Variants in NPY2R observed in about 807,000 individuals in gnomAD.
The protein encoded by NPY2R is neuropeptide Y receptor type 2.
Under a neutral mutation model 22.3 loss-of-function variants are expected in NPY2R, and 17 were observed. The ratio of observed to expected loss-of-function variants is 0.76; its 90% CI spans 0.52 to 1.14. NPY2R has a LOEUF of 1.14. Ranked by LOEUF, NPY2R falls within the 50% of genes most tolerant of loss-of-function variation. The probability of loss-of-function intolerance (pLI) is 0.00; values close to 1 mark genes in which losing one functional copy is unlikely to be tolerated. For missense variants in NPY2R, 424 were observed against 467.9 expected (o/e 0.91, Z 0.87); for synonymous variants, 209 against 183.4 (o/e 1.14, Z -1.13).
chr4:155,205,511 T>C (rs1355056570), upstream of NPY2R, among the ~76,000 whole-genome samples: 2 of 152,194 alleles, frequency 1.3e-5, no homozygotes, highest in African/African-American at 4.8e-5. Context: ...TGGAGAGCTT[T>C]TCTGAAATTT....
chr4:155,180,423 T>A, the NPY2R span, among the ~76,000 whole-genome samples: 3 of 152,224 alleles, frequency 2.0e-5, no homozygotes, highest in Admixed American at 6.5e-5. Flanking sequence ...ATTTTCTACA[T>A]CTTCCCTCAA....
chr4:155,199,359 A>G, the NPY2R span, among the ~76,000 whole-genome samples: 1 of 152,010 alleles, frequency 6.6e-6, no homozygotes, highest in Non-Finnish European at 1.5e-5. Flanking sequence ...TGCTCAAGGA[A>G]ATGAGAAGAC....
Position 155,216,715 on chromosome 4 carries a change from G to C in NPY2R, c.*1630G>C, listed in dbSNP as rs1409137704. 1.2e-5 allele frequency: 2 copies of C among 166,996 alleles called. No individual in the cohort carries two copies. The highest frequency in any genetic ancestry group is 4.8e-5 in the African/African-American group (2 of 41,430). 10.3% of individuals were successfully genotyped at this position (166,996 alleles called of 1,614,324 possible). A position where few individuals can be genotyped will look rare whatever the true frequency, so the allele number is the denominator to read the frequency against. Reference sequence around the variant, plus strand: ...AGAATGAAAACAATATGTTAGATTAGGTGTAAGACTTTAAGAAGCGAACAA... The same window carrying C: ...AGAATGAAAACAATATGTTAGATTACGTGTAAGACTTTAAGAAGCGAACAA... On this transcript the variant is annotated 3_prime_UTR_variant, in exon 2 of 2. Coordinates refer to ENST00000329476, the MANE Select transcript of NPY2R (RefSeq NM_000910.4).
the NPY2R span, among the ~76,000 whole-genome samples, chr4:155,198,715 T>C: frequency 6.7e-6 from 1 of 149,634 alleles, no homozygotes; most frequent in Non-Finnish European, 1.5e-5. Flanking sequence ...TGGAGAAATC[T>C]GAAGTTCAGA....
the NPY2R span, among the ~76,000 whole-genome samples, chr4:155,180,901 C>T: frequency 7.3e-5 from 11 of 151,608 alleles, no homozygotes; most frequent in Non-Finnish European, 1.3e-4. Context: ...TCTATACATT[C>T]GAACTGATGA....
the NPY2R span, among the ~76,000 whole-genome samples, chr4:155,192,010 A>G: frequency 1.2e-4 from 18 of 151,758 alleles, no homozygotes; most frequent in African/African-American, 4.1e-4. Flanking sequence ...GCAAAATATT[A>G]TTTTCTGAGT....
At chr4:155,182,768 T>G in the NPY2R span, among the ~76,000 whole-genome samples, 1 of 152,110 alleles carries the variant, frequency 6.6e-6, no homozygotes, top group African/African-American at 2.4e-5. Flanking sequence ...CCAAGCTCTC[T>G]GTCATGAGCT....
the NPY2R span, among the ~76,000 whole-genome samples, chr4:155,182,244 A>G: frequency 6.6e-6 from 1 of 152,108 alleles, no homozygotes; most frequent in Non-Finnish European, 1.5e-5. Context: ...AACTGGGTAT[A>G]ATTTGAGTCA....
upstream of NPY2R, among the ~76,000 whole-genome samples, chr4:155,205,500 A>T (rs1379083248): frequency 6.6e-6 from 1 of 152,186 alleles, no homozygotes; most frequent in African/African-American, 2.4e-5. Flanking sequence ...AACTTTTTTA[A>T]TGGAGAGCTT....
At chr4:155,212,561 G>A (rs201373149) in intron 1 of NPY2R, among the ~76,000 whole-genome samples, 5 of 152,110 alleles carry the variant, frequency 3.3e-5, no homozygotes, top group East Asian at 1.9e-4. Context: ...AAGTAAAGGC[G>A]CCAGGATGGT....
At position 155,215,498 on chromosome 4, in the gene NPY2R, T is replaced by G. The variant is rs1384169787; in HGVS notation, c.*413T>G. ...TGCAGTTCGCTGCTCCCTGCTTGGC[T>G]TATGAAAACACCACTGAACAGAAAT... On this transcript the variant is annotated 3_prime_UTR_variant, in exon 2 of 2. Transcript: ENST00000329476. 1.1e-5 allele frequency: 3 copies of G among 261,168 alleles called. No individual in the cohort carries two copies. Among genetic ancestry groups the G allele is most frequent in the Non-Finnish European group, 2.4e-5 (3 of 125,238 alleles). The allele number at this position is 261,168 out of a possible 1,614,324, so 16.2% of individuals were successfully genotyped here. A position where few individuals can be genotyped will look rare whatever the true frequency, so the allele number is the denominator to read the frequency against.
rs574418239 is a variant in NPY2R, at chr4:155,215,430, A to C, written c.*345A>C. 3.1e-5 allele frequency: 12 copies of C among 388,520 alleles called. No individual in the cohort carries two copies. Among genetic ancestry groups the C allele is most frequent in the African/African-American group, 2.5e-4 (12 of 47,966 alleles). 24.1% of individuals were successfully genotyped at this position (388,520 alleles called of 1,614,324 possible). ...CATTGCTGAGAGACGGTGGGAAAATAAGTTGACTTTCAAATCACGTTAGGA... is the reference window on the plus strand; with the variant it reads ...CATTGCTGAGAGACGGTGGGAAAATCAGTTGACTTTCAAATCACGTTAGGA... On this transcript the variant is annotated 3_prime_UTR_variant, in exon 2 of 2. Coordinates refer to ENST00000329476, the MANE Select transcript of NPY2R (RefSeq NM_000910.4).
At chr4:155,180,587 T>C in the NPY2R span, among the ~76,000 whole-genome samples, 1 of 152,158 alleles carries the variant, frequency 6.6e-6, no homozygotes, top group African/African-American at 2.4e-5. Flanking sequence ...TACAGTTTTA[T>C]CCTTCTGACT....
At chr4:155,182,436 T>C in the NPY2R span, among the ~76,000 whole-genome samples, 1 of 152,272 alleles carries the variant, frequency 6.6e-6, no homozygotes, top group Admixed American at 6.5e-5. Flanking sequence ...AATTTAGTGA[T>C]AATTCAGAAA....
chr4:155,193,660 G>A, the NPY2R span, among the ~76,000 whole-genome samples: 1 of 151,912 alleles, frequency 6.6e-6, no homozygotes, highest in African/African-American at 2.4e-5. Context: ...GGAACAGAGA[G>A]TAGGACATTA....
the NPY2R span, among the ~76,000 whole-genome samples, chr4:155,176,305 G>A: frequency 6.6e-6 from 1 of 151,716 alleles, no homozygotes; most frequent in African/African-American, 2.4e-5. Flanking sequence ...GTGAAGCTCT[G>A]GCATTTCACG....
chr4:155,196,741 G>A, the NPY2R span, among the ~76,000 whole-genome samples: 2 of 151,880 alleles, frequency 1.3e-5, no homozygotes, highest in African/African-American at 2.4e-5. Context: ...GGCCCTGTGA[G>A]TGCCTTCCAG....
the NPY2R span, among the ~76,000 whole-genome samples, chr4:155,177,008 C>T: frequency 6.6e-6 from 1 of 152,124 alleles, no homozygotes; most frequent in Non-Finnish European, 1.5e-5. Context: ...CTTAATACCA[C>T]CAGAAGAGAA....
chr4:155,204,735 C>T (rs190090397), upstream of NPY2R, among the ~76,000 whole-genome samples: 108 of 151,934 alleles, frequency 7.1e-4, no homozygotes, highest in Admixed American at 1.3e-3. Context: ...AGGCAGGCTA[C>T]AAGTTAATTA....
Sources: allele counts gnomAD v4.1 joint callset (sites outside exome capture counted in the v4.1 genomes callset), GRCh38; gene constraint gnomAD v4.1.1; transcripts MANE v1.5; gene names NCBI Gene and HGNC (gene_info 2026-07-23, HGNC 2026-07-21).